The following MDFIC2 variants were observed in gnomAD, a reference collection of about 807,000 sequenced individuals.
The protein encoded by MDFIC2 is MyoD family inhibitor domain containing 2.
intron 2 of MDFIC2, among the ~76,000 whole-genome samples, chr3:70,267,388 TAATAGC>T (rs1350646738): frequency 2.0e-5 from 3 of 148,200 alleles, no homozygotes; most frequent in Non-Finnish European, 4.4e-5. Flanking sequence ...GATTCTTTTT[TAATAGC>T]TTTTTTTTTT....
At chr3:70,220,989 T>C (rs780822029) in intron 2 of MDFIC2, among the ~76,000 whole-genome samples, 1 of 152,142 alleles carries the variant, frequency 6.6e-6, no homozygotes, top group Non-Finnish European at 1.5e-5. Flanking sequence ...TAATGACATG[T>C]TTTAAATCTG....
intron 2 of MDFIC2, among the ~76,000 whole-genome samples, chr3:70,218,346 T>C (rs1048820164): frequency 7.9e-5 from 12 of 152,154 alleles, no homozygotes; most frequent in Admixed American, 4.6e-4. Flanking sequence ...TATAGATGCA[T>C]ATAGGCATGC....
intron 2 of MDFIC2, among the ~76,000 whole-genome samples, chr3:70,288,649 C>G (rs1170446442): frequency 1.3e-5 from 2 of 151,760 alleles, no homozygotes; most frequent in East Asian, 2.0e-4. Flanking sequence ...GTCTAATGTT[C>G]ACAGTGGGGT....
intron 2 of MDFIC2, among the ~76,000 whole-genome samples, chr3:70,211,008 A>G (rs1378595277): frequency 6.6e-6 from 1 of 152,124 alleles, no homozygotes; most frequent in Non-Finnish European, 1.5e-5. Context: ...TTATTAAGAA[A>G]ACGTTTTAAT....
In MDFIC2 at chr3:70,242,257, T is replaced by C. The variant is rs920964700; in HGVS notation, c.89-35467A>G. Among the ~76,000 whole-genome samples, 4 of 152,306 alleles carry C rather than the reference T, an allele frequency of 2.6e-5. No homozygotes were observed. The East Asian group carries it at 7.7e-4, about 29-fold the overall frequency. ...TCATATGCCTCCAATTAATCTCCCC[T>C]AAAATCAAGTTGGCTCTGATAACAT... is the stretch of plus-strand genomic sequence containing the variant. On this transcript the variant is annotated intron_variant, in intron 2 of 3. Transcript: ENST00000567252.
chr3:70,217,387 T>C (rs62254854), intron 2 of MDFIC2, among the ~76,000 whole-genome samples: 30,053 of 152,114 alleles, frequency 0.2, 3,363 homozygotes, highest in Non-Finnish European at 0.26. Flanking sequence ...AAAGGACCTA[T>C]TGAATTAATG....
chr3:70,255,019 C>T (rs1259840095), intron 2 of MDFIC2, among the ~76,000 whole-genome samples: 1 of 151,882 alleles, frequency 6.6e-6, no homozygotes, highest in Non-Finnish European at 1.5e-5. Flanking sequence ...TATAATTTTA[C>T]AACAATACTT....
intron 2 of MDFIC2, among the ~76,000 whole-genome samples, chr3:70,244,036 A>C (rs1330397033): frequency 1.3e-5 from 2 of 152,172 alleles, no homozygotes; most frequent in Non-Finnish European, 2.9e-5. Flanking sequence ...CACATATGGA[A>C]GATTCTAATT....
At chr3:70,285,744 G>A (rs1341960353) in intron 2 of MDFIC2, among the ~76,000 whole-genome samples, 1 of 151,624 alleles carries the variant, frequency 6.6e-6, no homozygotes, top group Non-Finnish European at 1.5e-5. Flanking sequence ...TTTAATGATT[G>A]CCATTCTAAC....
At chr3:70,221,218 A>C (rs1701457982) in intron 2 of MDFIC2, among the ~76,000 whole-genome samples, 1 of 152,160 alleles carries the variant, frequency 6.6e-6, no homozygotes. Context: ...TCATTTATTC[A>C]TTAGTGCCTG....
intron 2 of MDFIC2, among the ~76,000 whole-genome samples, chr3:70,270,826 T>G (rs139485744): frequency 6.6e-6 from 1 of 151,462 alleles, no homozygotes; most frequent in Non-Finnish European, 1.5e-5. Context: ...TAAGTGGGAG[T>G]TGAGCAATTA....
Position 70,287,872 on chromosome 3 carries a change from G to A in MDFIC2, c.88+24014C>T, listed in dbSNP as rs1017179541. Among the ~76,000 whole-genome samples, 25 of 152,060 alleles carry A rather than the reference G, an allele frequency of 1.6e-4. No individual in the cohort carries two copies. The South Asian group carries it at 5.0e-3, about 30-fold the overall frequency. ...GAGGTGTTTGTAGTATTCTCTGATGGTAGTTTGTATTTCTGTGGGATCAGT... is the reference window on the plus strand; with the variant it reads ...GAGGTGTTTGTAGTATTCTCTGATGATAGTTTGTATTTCTGTGGGATCAGT... On this transcript the variant is annotated intron_variant, in intron 2 of 3. Transcript: ENST00000567252.
chr3:70,208,081 G>C (rs1448861730), intron 2 of MDFIC2, among the ~76,000 whole-genome samples: 1 of 152,040 alleles, frequency 6.6e-6, no homozygotes, highest in African/African-American at 2.4e-5. Context: ...TCATGTTAGA[G>C]AGAGGACCAG....
At chr3:70,290,914 C>T (rs148579138) in intron 2 of MDFIC2, among the ~76,000 whole-genome samples, 3 of 152,292 alleles carry the variant, frequency 2.0e-5, no homozygotes, top group African/African-American at 2.4e-5. Flanking sequence ...CGCCCTGCTT[C>T]GGATGGCGCA....
intron 2 of MDFIC2, among the ~76,000 whole-genome samples, chr3:70,246,487 A>T (rs1195467547): frequency 1.3e-5 from 2 of 152,094 alleles, no homozygotes; most frequent in Non-Finnish European, 2.9e-5. Flanking sequence ...GATGGGCATC[A>T]CTATACATAG....
intron 3 of MDFIC2, among the ~76,000 whole-genome samples, chr3:70,199,900 A>G (rs759560051): frequency 8.5e-5 from 13 of 152,170 alleles, no homozygotes; most frequent in Admixed American, 2.0e-4. Context: ...AACGTCTTCA[A>G]AACATCTCAC....
intron 2 of MDFIC2, among the ~76,000 whole-genome samples, chr3:70,248,927 A>G (rs766197819): frequency 3.9e-5 from 6 of 152,174 alleles, no homozygotes; most frequent in Non-Finnish European, 7.4e-5. Flanking sequence ...AAGAAGCTTT[A>G]AGACATTATT....
At position 70,196,896 on chromosome 3, in the gene MDFIC2, G is replaced by A. The variant is rs1280365854; in HGVS notation, c.*30C>T. The A allele has an allele frequency of 2.5e-6, 1 of 398,464 alleles. No homozygotes were observed. Among genetic ancestry groups the A allele is most frequent in the South Asian group, 1.3e-4 (1 of 7,816 alleles). The allele number at this position is 398,464 out of a possible 1,614,324, so 24.7% of individuals were successfully genotyped here. A position where few individuals can be genotyped will look rare whatever the true frequency, so the allele number is the denominator to read the frequency against. On this transcript the variant is annotated 3_prime_UTR_variant, in exon 4 of 4. Transcript: ENST00000567252. ...ATGGAATTTCCCACCGTGGCCAAAA[G>A]GACTGCCGGAATGTGGTTACTTCAC... is the stretch of plus-strand genomic sequence containing the variant.
chr3:70,212,289 T>G (rs568284521), intron 2 of MDFIC2, among the ~76,000 whole-genome samples: 2 of 152,266 alleles, frequency 1.3e-5, no homozygotes, highest in South Asian at 2.1e-4. Flanking sequence ...CTATTGGACA[T>G]TTTTTGTGGG....
Sources: gnomAD v4.1 joint callset for allele counts (sites outside exome capture counted in the v4.1 genomes callset) on GRCh38, gnomAD v4.1.1 for gene constraint, MANE v1.5 for transcripts, NCBI Gene and HGNC (gene_info 2026-07-23, HGNC 2026-07-21) for gene names.